The following CELF2 variants were observed in gnomAD, a reference collection of about 807,000 sequenced individuals.
The protein encoded by CELF2 is CUG triplet repeat RNA-binding protein 2.
Under a neutral mutation model 62.6 loss-of-function variants are expected in CELF2, and 8 were observed. That is an observed-to-expected ratio of 0.13 (90% CI 0.07 to 0.23). The LOEUF (loss-of-function observed/expected upper bound fraction) is 0.23. CELF2 is among the 10% of genes least tolerant of loss of function. CELF2 has a pLI of 1.00. For synonymous variants in CELF2, 258 were observed against 250.0 expected, an observed-to-expected ratio of 1.03 and a Z score of -0.30; for missense variants, 333 against 671.0, an observed-to-expected ratio of 0.50 and a Z score of 5.56.
chr10:10,679,229 G>C, the CELF2 span, among the ~76,000 whole-genome samples: 1 of 152,126 alleles, frequency 6.6e-6, no homozygotes, highest in African/African-American at 2.4e-5. Flanking sequence ...CTCTCTTCAT[G>C]AAAAATAGGC....
At chr10:11,197,061 A>AGAAAGAAAGGAAAGAAAG (rs1565233839) in intron 2 of CELF2, among the ~76,000 whole-genome samples, 2 of 114,762 alleles carry the variant, frequency 1.7e-5, no homozygotes, top group African/African-American at 7.6e-5. Flanking sequence ...AAGAAAGAAA[A>AGAAAGAAAGGAAAGAAAG]GAAAGAAAGG....
chr10:11,178,691 T>G lies in CELF2; in HGVS notation c.271+13009T>G, dbSNP rs1003067997. On this transcript the variant is annotated intron_variant, in intron 2 of 12. Transcript: ENST00000633077. This position sits in a 1 kb window ranked among gnomAD's most constrained non-coding sequence, Gnocchi z 4.3. ...CGTCAAATGGCAGAGTTTGATTGTT[T>G]AACCTAGACTAATCAGTCTTTGGAG... 5.9e-5 allele frequency among the ~76,000 whole-genome samples: 9 copies of G among 152,188 alleles called. No homozygotes were observed. The highest frequency in any genetic ancestry group is 1.7e-4 in the African/African-American group (7 of 41,452).
At chr10:11,239,653 G>T (rs1353579387) in intron 3 of CELF2, among the ~76,000 whole-genome samples, 2 of 152,176 alleles carry the variant, frequency 1.3e-5, no homozygotes, top group Non-Finnish European at 2.9e-5. Flanking sequence ...TGGGAGAAGG[G>T]GATATGAGAT....
chr10:10,622,437 C>T, the CELF2 span, among the ~76,000 whole-genome samples: 1 of 151,648 alleles, frequency 6.6e-6, no homozygotes, highest in African/African-American at 2.4e-5. Context: ...AGTGAGACCC[C>T]ATCACTACAT....
chr10:11,040,295 G>A (rs905157268), intron 1 of CELF2, among the ~76,000 whole-genome samples: 3 of 152,176 alleles, frequency 2.0e-5, no homozygotes, highest in African/African-American at 7.2e-5. Flanking sequence ...TTTTGGAGAA[G>A]AAGCAAAATA....
At chr10:10,859,854 T>G (rs1564730504) in intron 1 of CELF2, among the ~76,000 whole-genome samples, 1 of 152,186 alleles carries the variant, frequency 6.6e-6, no homozygotes, top group Non-Finnish European at 1.5e-5. Flanking sequence ...ATAATGTTTA[T>G]TTCCTCAGAT....
rs1288204234 is a variant in CELF2, at chr10:11,306,927, G to A, written c.977-7212G>A. Among the ~76,000 whole-genome samples the A allele has an allele frequency of 6.6e-6, 1 of 152,184 alleles. No individual in the cohort carries two copies. The highest frequency in any genetic ancestry group is 2.4e-5 in the African/African-American group (1 of 41,430). On this transcript the variant is annotated intron_variant, in intron 9 of 12. Transcript: ENST00000633077. The surrounding 1 kb of genome is among the most constrained non-coding windows in gnomAD (Gnocchi z 4.4). ...TCATCAATAACAAAAGGGGCCCAGG[G>A]AGTTTCTAGGCCGCCTCCACCTCTC...
rs960797706 is a variant in CELF2 at position 11,314,393 on chromosome 10, A to G, written c.1096+135A>G. On this transcript the variant is annotated intron_variant, in intron 10 of 12. Transcript: ENST00000633077. This position sits in a 1 kb window ranked among gnomAD's most constrained non-coding sequence, Gnocchi z 5.3. The stretch of plus-strand genomic sequence containing the variant: ...ACTAAAACTTGGGATGGAGGAGCAC[A>G]TGCTTTGATAGGCAAAAGCTGTCTA... 1 of 1,162,310 alleles carries G rather than the reference A, an allele frequency of 8.6e-7. No individual in the cohort carries two copies. The highest frequency in any genetic ancestry group is 1.3e-6 in the Non-Finnish European group (1 of 787,758). 72.0% of individuals were successfully genotyped at this position (1,162,310 alleles called of 1,614,324 possible). A position where few individuals can be genotyped will look rare whatever the true frequency, so the allele number is the denominator to read the frequency against.
chr10:11,234,011 G>T (rs1214441323), intron 3 of CELF2, among the ~76,000 whole-genome samples: 1 of 152,140 alleles, frequency 6.6e-6, no homozygotes, highest in Non-Finnish European at 1.5e-5. Flanking sequence ...GAGTTTGAAG[G>T]GTGAGATCCA....
chr10:10,843,199 A>T (rs1365876795), intron 1 of CELF2, among the ~76,000 whole-genome samples: 1 of 152,074 alleles, frequency 6.6e-6, no homozygotes, highest in Admixed American at 6.6e-5. Context: ...ACAGAAAAAC[A>T]ACAAAGAAAA....
At position 11,297,197 on chromosome 10, in the gene CELF2, A is replaced by C. The variant is rs1281612425; in HGVS notation, c.976+8645A>C. Among the ~76,000 whole-genome samples, 1 of 152,190 alleles carries C rather than the reference A, an allele frequency of 6.6e-6. No homozygotes were observed. Among genetic ancestry groups the C allele is most frequent in the Non-Finnish European group, 1.5e-5 (1 of 68,038 alleles). On this transcript the variant is annotated intron_variant, in intron 9 of 12. Coordinates refer to ENST00000633077, the MANE Select transcript of CELF2 (RefSeq NM_001326342.2). The surrounding 1 kb of genome is among the most constrained non-coding windows in gnomAD (Gnocchi z 4.4). ...AGTTGAGGAGGAAGCTGTCATATAA[A>C]ATGATCGGACGTGGCACATGGAGAG... is the stretch of plus-strand genomic sequence containing the variant.
the CELF2 span, among the ~76,000 whole-genome samples, chr10:10,702,862 G>A: frequency 6.6e-6 from 1 of 152,198 alleles, no homozygotes; most frequent in East Asian, 1.9e-4. Context: ...GGGATTACAG[G>A]CATAAGCCAT....
intron 1 of CELF2, among the ~76,000 whole-genome samples, chr10:10,859,885 C>T (rs1326773823): frequency 2.6e-5 from 4 of 152,010 alleles, no homozygotes; most frequent in Non-Finnish European, 5.9e-5. Context: ...CCTGGCAGTT[C>T]TCAAATGTTT....
At position 10,838,551 on chromosome 10, in the gene CELF2, A is replaced by G. The variant is rs189630299; in HGVS notation, c.53+39734A>G. On this transcript the variant is annotated intron_variant, in intron 1 of 13. Coordinates refer to the CELF2 transcript ENST00000636488. ...TCTCTCGTTTCCCATTTATTTAGGT[A>G]TTAAATTATTTATTTATATCAGATG... is the stretch of plus-strand genomic sequence containing the variant. Among the ~76,000 whole-genome samples the G allele has an allele frequency of 4.2e-3, 639 of 152,290 alleles. 19 individuals are homozygous for G. The South Asian group carries it at 0.06, about 14-fold the overall frequency.
chr10:11,142,399 G>T (rs116024292), intron 1 of CELF2, among the ~76,000 whole-genome samples: 7,186 of 152,032 alleles, frequency 0.047, 177 homozygotes, highest in African/African-American at 0.057. Context: ...GATGGGCTGG[G>T]CTGGGCTGGG....
chr10:11,163,121 G>A (rs755654751), intron 1 of CELF2, among the ~76,000 whole-genome samples: 14 of 152,116 alleles, frequency 9.2e-5, no homozygotes, highest in East Asian at 1.9e-4. Flanking sequence ...TATATTTTTC[G>A]AAAAAGAGTA....
At chr10:10,703,134 C>T in the CELF2 span, among the ~76,000 whole-genome samples, 2 of 152,220 alleles carry the variant, frequency 1.3e-5, no homozygotes, top group African/African-American at 4.8e-5. Flanking sequence ...TGTCTTTGAC[C>T]TACAGATTCT....
Position 11,018,149 on chromosome 10 carries a change from C to T in CELF2, c.60C>T (p.Leu20=), listed in dbSNP as rs767266685. ...ACATGATGGTCGAGGGCCGCCTGCT[C>T]GTTCCTGACAGAATGTGAGTGGCGC... ...LPDMMVEGRL[L]VPDRINGTAN... The change falls in exon 1 of 13, where the codon CTC becomes CTT. Residue 20 remains leucine (L), a synonymous_variant. Coordinates refer to ENST00000633077, the MANE Select transcript of CELF2 (RefSeq NM_001326342.2). 1 of 1,523,428 alleles carries T rather than the reference C, an allele frequency of 6.6e-7. No homozygotes were observed. The highest frequency in any genetic ancestry group is 8.8e-7 in the Non-Finnish European group (1 of 1,133,154). 94.4% of individuals were successfully genotyped at this position (1,523,428 alleles called of 1,614,324 possible). A position where few individuals can be genotyped will look rare whatever the true frequency, so the allele number is the denominator to read the frequency against.
chr10:10,646,377 A>G, the CELF2 span, among the ~76,000 whole-genome samples: 6 of 152,226 alleles, frequency 3.9e-5, no homozygotes, highest in Non-Finnish European at 4.4e-5. Context: ...CGGCTAATTG[A>G]TGCTCATCCA....
Sources: gnomAD v4.1 joint callset for allele counts (sites outside exome capture counted in the v4.1 genomes callset) on GRCh38, gnomAD v4.1.1 for gene constraint, Gnocchi (gnomAD v3.1) non-coding constraint, MANE v1.5 for transcripts, NCBI Gene and HGNC (gene_info 2026-07-23, HGNC 2026-07-21) for gene names.